KCTD1: variants seen among roughly 807,000 people sequenced by gnomAD.
The protein encoded by KCTD1 is BTB/POZ domain-containing protein KCTD1.
KCTD1 carries 24 observed loss-of-function variants against 66.0 expected under a neutral mutation model. The observed-to-expected ratio is 0.36, with a 90% CI of 0.26 to 0.51. The LOEUF is 0.51. KCTD1 is among the 20% of genes least tolerant of loss of function. The pLI is 0.95. For synonymous variants in KCTD1, 511 were observed against 517.2 expected (o/e 0.99, Z 0.16); for missense variants, 943 against 1,205.2 (o/e 0.78, Z 3.22).
intron 2 of KCTD1, among the ~76,000 whole-genome samples, chr18:26,496,723 G>A (rs1364097091): frequency 2.1e-5 from 3 of 144,830 alleles, no homozygotes; most frequent in Non-Finnish European, 3.0e-5. Flanking sequence ...GGGTTTACAA[G>A]CTAAAAAAAA....
upstream of KCTD1, chr18:26,548,799 C>G (rs1045413174): frequency 1.8e-5 from 20 of 1,106,056 alleles, no homozygotes; most frequent in African/African-American, 1.5e-4. Context: ...CTTCCTCCCC[C>G]ACCCGGCTCC....
At chr18:26,584,639 G>T (rs1164874925) in intron 1 of KCTD1, among the ~76,000 whole-genome samples, 1 of 152,070 alleles carries the variant, frequency 6.6e-6, no homozygotes, top group Admixed American at 6.6e-5. Context: ...TGCCTTTAAG[G>T]GGCTTTCATT....
In KCTD1 at chr18:26,570,817, T is replaced by C. The variant is rs73401488; in HGVS notation, c.-16+58330A>G. Among the ~76,000 whole-genome samples the C allele has an allele frequency of 2.3e-3, 358 of 152,346 alleles. 1 individual carries two copies. Among genetic ancestry groups the C allele is most frequent in the African/African-American group, 8.2e-3 (341 of 41,576 alleles). Reference sequence around the variant, plus strand: ...GTTGATGAATTGTGTTGAACCATCATAAGTCAGAGATGTCTATACCCTGAG... The same window carrying C: ...GTTGATGAATTGTGTTGAACCATCACAAGTCAGAGATGTCTATACCCTGAG... On this transcript the variant is annotated intron_variant, in intron 1 of 4. Coordinates refer to the KCTD1 transcript ENST00000317932.
chr18:26,596,789 T>C (rs1986775747), intron 1 of KCTD1, among the ~76,000 whole-genome samples: 1 of 152,284 alleles, frequency 6.6e-6, no homozygotes, highest in Non-Finnish European at 1.5e-5. Flanking sequence ...GCTACTGTTG[T>C]TAAGAATGTT....
At chr18:26,535,971 C>CCAA (rs1322496086) in intron 1 of KCTD1, among the ~76,000 whole-genome samples, 6 of 122,820 alleles carry the variant, frequency 4.9e-5, no homozygotes, top group African/African-American at 1.8e-4. Context: ...GTGATTCCTC[C>CCAA]AAAAAAAAAA....
rs138044283 is a variant in KCTD1, at chr18:26,554,960, C to A, written c.-15-53710G>T. 2.0e-3 allele frequency among the ~76,000 whole-genome samples: 307 copies of A among 152,190 alleles called. 1 individual carries two copies. Among genetic ancestry groups the A allele is most frequent in the African/African-American group, 7.0e-3 (292 of 41,518 alleles). Reference sequence around the variant, plus strand: ...CTAAAATTCAGAATGATAGTCATTTCTTTCTCTATCTTCTAGTTGTATATA... The same window carrying A: ...CTAAAATTCAGAATGATAGTCATTTATTTCTCTATCTTCTAGTTGTATATA... On this transcript the variant is annotated intron_variant, in intron 1 of 4. Transcript: ENST00000317932.
chr18:26,501,639 T>C (rs1982769247), intron 1 of KCTD1, among the ~76,000 whole-genome samples: 1 of 152,260 alleles, frequency 6.6e-6, no homozygotes, highest in Non-Finnish European at 1.5e-5. Flanking sequence ...AAAATGCGTA[T>C]GAGTTAGCCC....
At chr18:26,456,763 C>CTCTT (rs1980107489) in intron 4 of KCTD1, 1 of 151,050 alleles carries the variant, frequency 6.6e-6, no homozygotes, top group African/African-American at 2.4e-5. Flanking sequence ...GTACCTGTGA[C>CTCTT]TCTTAGATTA....
At chr18:26,630,963 C>A (rs1987606427), upstream of KCTD1, among the ~76,000 whole-genome samples, 1 of 152,230 alleles carries the variant, frequency 6.6e-6, no homozygotes, top group East Asian at 1.9e-4. Context: ...CCATCTGCAA[C>A]TGCGATCTTG....
chr18:26,488,202 T>C (rs1365610348), intron 2 of KCTD1, among the ~76,000 whole-genome samples: 2 of 152,082 alleles, frequency 1.3e-5, no homozygotes, highest in East Asian at 3.9e-4. Context: ...TTTTTTAACG[T>C]GGTTCCCTAG....
intron 1 of KCTD1, chr18:26,657,254 G>C: frequency 2.3e-6 from 2 of 862,228 alleles, no homozygotes; most frequent in African/African-American, 1.8e-5. Context: ...CGAGTGTGCC[G>C]CGCTCTCGCC....
At chr18:26,457,475 G>A (rs1211602111) in intron 4 of KCTD1, 3 of 152,220 alleles carry the variant, frequency 2.0e-5, no homozygotes, top group Non-Finnish European at 4.4e-5. Flanking sequence ...AGGGGAGGAA[G>A]CCATGAACAG....
At chr18:26,591,152 T>C (rs1333710195) in intron 1 of KCTD1, among the ~76,000 whole-genome samples, 1 of 152,026 alleles carries the variant, frequency 6.6e-6, no homozygotes, top group East Asian at 1.9e-4. Context: ...CAGCCTCCCA[T>C]GCAGCTGAAA....
In KCTD1 at chr18:26,501,270, T is replaced by G. The variant is rs1598900458; in HGVS notation, c.1810-20A>C. On this transcript the variant is annotated intron_variant, in intron 1 of 4. Transcript: ENST00000580059. ...ACTGTCCTACAGAGAGATAAGCAAGTTTAGATACTTTTTCTCTTTACAGTA... is the reference window on the plus strand; with the variant it reads ...ACTGTCCTACAGAGAGATAAGCAAGGTTAGATACTTTTTCTCTTTACAGTA... 2 of 1,602,592 alleles carry G rather than the reference T, an allele frequency of 1.2e-6. No homozygotes were observed. Among genetic ancestry groups the G allele is most frequent in the Non-Finnish European group, 1.7e-6 (2 of 1,171,652 alleles).
intron 1 of KCTD1, among the ~76,000 whole-genome samples, chr18:26,655,435 TAC>T (rs10631197): frequency 3.3e-5 from 5 of 150,772 alleles, no homozygotes; most frequent in South Asian, 2.1e-4. Context: ...CCACTCAGGA[TAC>T]ACACACACAC....
At chr18:26,607,210 A>C (rs1463203893) in intron 1 of KCTD1, among the ~76,000 whole-genome samples, 1 of 152,138 alleles carries the variant, frequency 6.6e-6, no homozygotes, top group Admixed American at 6.6e-5. Context: ...AATTTAAAAT[A>C]ATTTTTTTAG....
chr18:26,544,661 C>T (rs1038766260), intron 1 of KCTD1: 4 of 152,064 alleles, frequency 2.6e-5, no homozygotes, highest in Admixed American at 2.0e-4. Context: ...CTCAGCTAGG[C>T]ATTAAGCCCC....
At position 26,601,052 on chromosome 18, in the gene KCTD1, T is replaced by C. The variant is rs147879029; in HGVS notation, c.-16+28095A>G. 2.3e-3 allele frequency among the ~76,000 whole-genome samples: 352 copies of C among 152,122 alleles called. 1 individual carries two copies. Among genetic ancestry groups the C allele is most frequent in the African/African-American group, 7.8e-3 (324 of 41,500 alleles). On this transcript the variant is annotated intron_variant, in intron 1 of 4. Coordinates refer to the KCTD1 transcript ENST00000317932. ...AGTCATCCATGCTCAGTTTGGACCA[T>C]TGGAGGAACTTAGTGTCACACACAA...
At chr18:26,586,851 A>T (rs1212188380) in intron 1 of KCTD1, among the ~76,000 whole-genome samples, 2 of 152,222 alleles carry the variant, frequency 1.3e-5, no homozygotes, top group Admixed American at 1.3e-4. Context: ...AGGTAGCTGT[A>T]GAAGAAAAGT....
Sources: gnomAD v4.1 joint callset for allele counts (sites outside exome capture counted in the v4.1 genomes callset) on GRCh38, gnomAD v4.1.1 for gene constraint, MANE v1.5 for transcripts, NCBI Gene and HGNC (gene_info 2026-07-23, HGNC 2026-07-21) for gene names.